Variants in MCPH1 observed in about 807,000 individuals in gnomAD.
MCPH1 encodes the protein microcephalin.
In MCPH1, 104 loss-of-function variants were observed where a neutral mutation model predicts 84.5. That is an observed-to-expected ratio of 1.23 (90% CI 1.05 to 1.45). The LOEUF (loss-of-function observed/expected upper bound fraction) is 1.45. Among genes scored for constraint, MCPH1 ranks in the 40% most tolerant of loss-of-function variants. The probability of loss-of-function intolerance (pLI) is 0.00; values close to 1 mark genes in which losing one functional copy is unlikely to be tolerated. For synonymous variants in MCPH1, 514 were observed against 366.8 expected (o/e 1.40, Z -4.58); for missense variants, 1,498 against 1,005.7 (o/e 1.49, Z -6.62).
At chr8:6,587,310 T>C (rs1828070003) in intron 12 of MCPH1, among the ~76,000 whole-genome samples, 1 of 152,198 alleles carries the variant, frequency 6.6e-6, no homozygotes, top group South Asian at 2.1e-4. Context: ...CAGACATTTC[T>C]ATCCCAAGAT....
chr8:6,615,802 G>A (rs150147139), intron 12 of MCPH1: 26 of 152,266 alleles, frequency 1.7e-4, no homozygotes, highest in African/African-American at 6.0e-4. Flanking sequence ...GGCTTGATGA[G>A]GACAGAGTCT....
chr8:6,546,417 G>A (rs1822584649), intron 12 of MCPH1, among the ~76,000 whole-genome samples: 1 of 152,234 alleles, frequency 6.6e-6, no homozygotes, highest in African/African-American at 2.4e-5. Flanking sequence ...TTAGCATAGA[G>A]CGTAAAATGC....
At chr8:6,439,702 G>A (rs1247513943) in intron 6 of MCPH1, among the ~76,000 whole-genome samples, 1 of 152,072 alleles carries the variant, frequency 6.6e-6, no homozygotes, top group African/African-American at 2.4e-5. Flanking sequence ...GCTCCTGGCC[G>A]TGAATCATGT....
chr8:6,416,235 G>T (rs1015504796), intron 3 of MCPH1, among the ~76,000 whole-genome samples: 1 of 152,186 alleles, frequency 6.6e-6, no homozygotes. Context: ...TTTGTAAATA[G>T]AGATAGATTT....
chr8:6,479,522 C>G (rs904620639), intron 10 of MCPH1, among the ~76,000 whole-genome samples: 1 of 151,840 alleles, frequency 6.6e-6, no homozygotes, highest in Non-Finnish European at 1.5e-5. Context: ...GCAAGCTCCA[C>G]CTCCCGGGTT....
chr8:6,641,645 G>C (rs767226128), intron 13 of MCPH1, among the ~76,000 whole-genome samples: 1 of 152,188 alleles, frequency 6.6e-6, no homozygotes, highest in Non-Finnish European at 1.5e-5. Flanking sequence ...CTGGGAAGCT[G>C]AGTCTGGAGG....
At chr8:6,566,926 G>A (rs7007636) in intron 12 of MCPH1, among the ~76,000 whole-genome samples, 7 of 148,190 alleles carry the variant, frequency 4.7e-5, no homozygotes, top group East Asian at 2.0e-4. Flanking sequence ...CATGGATAGT[G>A]CACGCGGTGC....
intron 12 of MCPH1, among the ~76,000 whole-genome samples, chr8:6,609,681 G>C (rs1341891473): frequency 1.3e-5 from 2 of 152,172 alleles, no homozygotes; most frequent in Non-Finnish European, 2.9e-5. Context: ...TTTACTTTTT[G>C]CATAAAATAA....
intron 12 of MCPH1, among the ~76,000 whole-genome samples, chr8:6,593,234 C>G (rs1427371166): frequency 1.3e-5 from 2 of 151,380 alleles, no homozygotes; most frequent in Non-Finnish European, 2.9e-5. Flanking sequence ...CAGGCATGTG[C>G]TACCATGCCC....
intron 11 of MCPH1, among the ~76,000 whole-genome samples, chr8:6,486,006 G>C (rs1008081784): frequency 6.6e-6 from 1 of 152,064 alleles, no homozygotes; most frequent in Admixed American, 6.5e-5. Context: ...GATGACTGCT[G>C]CTTCTTGCAT....
chr8:6,478,855 C>A (rs1260410339), intron 10 of MCPH1, among the ~76,000 whole-genome samples: 2 of 152,216 alleles, frequency 1.3e-5, no homozygotes, highest in African/African-American at 4.8e-5. Flanking sequence ...TTGACTCACA[C>A]ATCTTTTCTA....
At chr8:6,439,631 A>C (rs1431726035) in intron 6 of MCPH1, among the ~76,000 whole-genome samples, 1 of 152,012 alleles carries the variant, frequency 6.6e-6, no homozygotes, top group Non-Finnish European at 1.5e-5. Flanking sequence ...TCTTAACCTC[A>C]GGTGATACAC....
At chr8:6,567,906 C>T (rs560284701) in intron 12 of MCPH1, among the ~76,000 whole-genome samples, 54 of 152,308 alleles carry the variant, frequency 3.5e-4, no homozygotes, top group African/African-American at 1.3e-3. Context: ...CACCTGCCTA[C>T]CCACCCAATT....
intron 13 of MCPH1, chr8:6,635,202 C>T (rs1010015476): frequency 3.9e-5 from 6 of 152,250 alleles, no homozygotes; most frequent in East Asian, 1.9e-4. Context: ...AATGAGGCTC[C>T]GGTTGTTCAT....
At chr8:6,636,110 G>A (rs563749021) in intron 13 of MCPH1, among the ~76,000 whole-genome samples, 5 of 152,286 alleles carry the variant, frequency 3.3e-5, no homozygotes, top group East Asian at 1.9e-4. Flanking sequence ...AGGCCAAGGC[G>A]GGCAGATCAC....
Position 6,567,968 on chromosome 8 carries a change from T to G in MCPH1, c.2215-53486T>G, listed in dbSNP as rs115408447. 3.8e-3 allele frequency among the ~76,000 whole-genome samples: 577 copies of G among 152,360 alleles called. 6 individuals are homozygous for G. Among genetic ancestry groups the G allele is most frequent in the African/African-American group, 0.013 (550 of 41,580 alleles). On this transcript the variant is annotated intron_variant, in intron 12 of 13. Transcript: ENST00000344683. ...GCTGTGCATAGTGCAATTTATTTCCTTAATACTGTTTGTTTTCTCCCCCAT... is the reference window on the plus strand; with the variant it reads ...GCTGTGCATAGTGCAATTTATTTCCGTAATACTGTTTGTTTTCTCCCCCAT...
chr8:6,576,739 G>GTTTTTT (rs774988953), intron 12 of MCPH1, among the ~76,000 whole-genome samples: 1 of 89,700 alleles, frequency 1.1e-5, no homozygotes, highest in Non-Finnish European at 2.1e-5. Flanking sequence ...GTAGAGATGG[G>GTTTTTT]TTTTCACCAT....
chr8:6,557,196 G>C (rs1340684638), intron 12 of MCPH1, among the ~76,000 whole-genome samples: 1 of 152,200 alleles, frequency 6.6e-6, no homozygotes, highest in Non-Finnish European at 1.5e-5. Flanking sequence ...GGATATGCGT[G>C]CTTTCCCGTG....
chr8:6,612,698 G>A (rs1306242027), intron 12 of MCPH1, among the ~76,000 whole-genome samples: 1 of 152,160 alleles, frequency 6.6e-6, no homozygotes, highest in Non-Finnish European at 1.5e-5. Flanking sequence ...CGCCTCCTCC[G>A]CTCACATCGC....
Sources: gnomAD v4.1 joint callset for allele counts (sites outside exome capture counted in the v4.1 genomes callset) on GRCh38, gnomAD v4.1.1 for gene constraint, MANE v1.5 for transcripts, NCBI Gene and HGNC (gene_info 2026-07-23, HGNC 2026-07-21) for gene names.